The following RSF1 variants were observed in gnomAD, a reference collection of about 807,000 sequenced individuals.
The protein encoded by RSF1 is HBV pX-associated protein 8.
A neutral mutation model predicts 145.2 loss-of-function variants in RSF1; 13 were observed. The ratio of observed to expected loss-of-function variants is 0.09; its 90% CI spans 0.06 to 0.14. RSF1 has a LOEUF of 0.14. Among genes scored for constraint, RSF1 ranks in the 10% least tolerant of loss-of-function variants. The pLI is 1.00. For missense variants in RSF1, 1,517 were observed against 1,718.2 expected, an observed-to-expected ratio of 0.88 and a Z score of 2.07; for synonymous variants, 577 against 592.6, an observed-to-expected ratio of 0.97 and a Z score of 0.38.
intron 3 of RSF1, among the ~76,000 whole-genome samples, chr11:77,742,282 TTTC>T (rs1182766276): frequency 2.6e-5 from 4 of 152,096 alleles, no homozygotes; most frequent in Admixed American, 6.6e-5. Context: ...AGGGTTCCCT[TTTC>T]TTTTTTCTTT....
intron 4 of RSF1, among the ~76,000 whole-genome samples, chr11:77,729,762 C>T (rs937634886): frequency 2.0e-5 from 3 of 151,682 alleles, no homozygotes; most frequent in Non-Finnish European, 2.9e-5. Context: ...CAAATGGGAC[C>T]AGGTCTTCAC....
At chr11:77,842,345 A>G in the RSF1 span, 1 of 835,676 alleles carries the variant, frequency 1.2e-6, no homozygotes, top group Non-Finnish European at 1.8e-6. Flanking sequence ...AGACCTCTAA[A>G]GAAGAAGTAA....
intron 5 of RSF1, among the ~76,000 whole-genome samples, chr11:77,707,418 G>C (rs1214049579): frequency 6.6e-6 from 1 of 152,130 alleles, no homozygotes; most frequent in Non-Finnish European, 1.5e-5. Flanking sequence ...GCAAGGACAT[G>C]ATACATTTAA....
chr11:77,686,881 A>C (rs1960024586), intron 9 of RSF1, among the ~76,000 whole-genome samples: 1 of 152,138 alleles, frequency 6.6e-6, no homozygotes, highest in South Asian at 2.1e-4. Context: ...CATTGGCATA[A>C]AGTAGGTACC....
At chr11:77,787,112 G>A (rs1401705811) in intron 1 of RSF1, among the ~76,000 whole-genome samples, 1 of 152,186 alleles carries the variant, frequency 6.6e-6, no homozygotes, top group Non-Finnish European at 1.5e-5. Context: ...GCAAAGGACT[G>A]AGCAGGGCAT....
chr11:77,820,620 C>T lies in RSF1; in HGVS notation c.95G>A (p.Arg32His). 1 of 1,567,296 alleles carries T rather than the reference C, an allele frequency of 6.4e-7. No individual in the cohort carries two copies. Among genetic ancestry groups the T allele is most frequent in the Non-Finnish European group, 8.6e-7 (1 of 1,157,744 alleles). Residue 32 changes from arginine to histidine, a missense_variant, in exon 1 of 16, where the codon CGC (arginine) becomes CAC (histidine). By Grantham distance (29) the Arg-to-His change is conservative. Coordinates refer to ENST00000308488, the MANE Select transcript of RSF1 (RefSeq NM_016578.4). ...NFAVVCSFLERYGPLLDLPEL... is the reference protein window; with the variant it reads ...NFAVVCSFLEHYGPLLDLPEL... ...AGGCAGGTCTAGCAGCGGCCCGTAG[C>T]GCTCCAAGAAGGAGCAGACTACGGC... is the stretch of plus-strand genomic sequence containing the variant.
chr11:77,691,263 T>A (rs753493882), intron 8 of RSF1, 25 bp from the exon 9 acceptor site: 8 of 1,604,378 alleles, frequency 5.0e-6, no homozygotes, highest in South Asian at 2.2e-5. Context: ...TAGATAAAAG[T>A]CATTTTAAAC....
At chr11:77,791,478 G>A (rs1948516671) in intron 1 of RSF1, among the ~76,000 whole-genome samples, 1 of 152,154 alleles carries the variant, frequency 6.6e-6, no homozygotes, top group African/African-American at 2.4e-5. Flanking sequence ...AATTTATGCA[G>A]CAGACTTCAA....
chr11:77,786,158 A>G (rs1948454704), intron 1 of RSF1, among the ~76,000 whole-genome samples: 1 of 152,104 alleles, frequency 6.6e-6, no homozygotes, highest in Non-Finnish European at 1.5e-5. Context: ...TGGCAAGGCT[A>G]AGATTTCAAC....
At chr11:77,749,249 C>T (rs867942704) in intron 2 of RSF1, among the ~76,000 whole-genome samples, 1 of 151,956 alleles carries the variant, frequency 6.6e-6, no homozygotes. Flanking sequence ...GTTGTATATT[C>T]CCTGTAAATA....
chr11:77,820,579 C>G lies in RSF1; in HGVS notation c.136G>C (p.Glu46Gln), dbSNP rs1449433401. ...LLDLPELPFP[E>Q]LERVLQAPPP... Reference sequence around the variant, plus strand: ...GGCGCCTGCAGCACCCGCTCCAGCTCAGGGAACGGCAACTCAGGCAGGTCT... The same window carrying G: ...GGCGCCTGCAGCACCCGCTCCAGCTGAGGGAACGGCAACTCAGGCAGGTCT... Residue 46 changes from glutamate to glutamine, a missense_variant, in exon 1 of 16, where the codon GAG becomes CAG. This residue lies in a region of RSF1 where 85 missense variants were observed against 91.8 expected (regional missense o/e 0.93). Transcript: ENST00000308488. 6.4e-7 allele frequency: 1 copy of G among 1,560,776 alleles called. No homozygotes were observed. Among genetic ancestry groups the G allele is most frequent in the Admixed American group, 1.9e-5 (1 of 51,690 alleles).
Position 77,684,975 on chromosome 11 carries a change from G to A in RSF1, c.2955+130C>T, listed in dbSNP as rs1181297990. On this transcript the variant is annotated intron_variant, in intron 10 of 15. Transcript: ENST00000308488. ...GCACTCCAGTCTGGGCAACAAGAAC[G>A]AAACTCCATCTCGAAATAAATAAAT... 6 of 424,572 alleles carry A rather than the reference G, an allele frequency of 1.4e-5. No homozygotes were observed. The South Asian group carries it at 3.2e-4, about 23-fold the overall frequency. 26.3% of individuals were successfully genotyped at this position (424,572 alleles called of 1,614,324 possible).
intron 5 of RSF1, among the ~76,000 whole-genome samples, chr11:77,704,683 T>C (rs1233996905): frequency 6.6e-6 from 1 of 152,136 alleles, no homozygotes; most frequent in Non-Finnish European, 1.5e-5. Context: ...CAACTATTAT[T>C]CTTCGCTGGT....
chr11:77,739,844 A>T (rs1416250457), intron 4 of RSF1, among the ~76,000 whole-genome samples: 6 of 152,210 alleles, frequency 3.9e-5, no homozygotes, highest in Non-Finnish European at 8.8e-5. Flanking sequence ...AGTATTACTC[A>T]TAGGGTTTAG....
At chr11:77,772,578 C>CA (rs1398731152) in intron 1 of RSF1, among the ~76,000 whole-genome samples, 3 of 151,944 alleles carry the variant, frequency 2.0e-5, no homozygotes, top group Non-Finnish European at 2.9e-5. Flanking sequence ...ATGTATATTA[C>CA]AAAAAGCACT....
At chr11:77,697,682 A>G (rs1380549999) in intron 7 of RSF1, among the ~76,000 whole-genome samples, 4 of 150,898 alleles carry the variant, frequency 2.7e-5, no homozygotes. Flanking sequence ...ATTCTCCTAT[A>G]AATTAAAAAA....
Position 77,779,384 on chromosome 11 carries a change from AT to A in RSF1, c.188-14696del, listed in dbSNP as rs535878105. Among the ~76,000 whole-genome samples the A allele has an allele frequency of 3.7e-3, 527 of 142,316 alleles. 3 individuals are homozygous for A. The highest frequency in any genetic ancestry group is 7.9e-3 in the African/African-American group (308 of 38,858). 93.4% of individuals were successfully genotyped at this position (142,316 alleles called of 152,430 possible). Reference sequence around the variant, plus strand: ...CTATGCCTTGCTATTTCTAAAAAAAATTTTTTTTTTTTTTTGAGATGGAGTT... The same window carrying A: ...CTATGCCTTGCTATTTCTAAAAAAAATTTTTTTTTTTTTTGAGATGGAGTT... On this transcript the variant is annotated intron_variant, in intron 1 of 15. Coordinates refer to ENST00000308488, the MANE Select transcript of RSF1 (RefSeq NM_016578.4).
the RSF1 span, among the ~76,000 whole-genome samples, chr11:77,832,419 C>T: frequency 9.9e-5 from 15 of 150,884 alleles, no homozygotes; most frequent in South Asian, 2.1e-4. Flanking sequence ...CTCCGCCTCC[C>T]GGGTTCAAGC....
rs773104484 is a variant in RSF1, at chr11:77,701,027, T to C, written c.2202A>G (p.Lys734=). ...ITSERQKEGI[K]LTIRISSRKK... ...TCCGACTTGATATCCTGATTGTTAA[T>C]TTGATGCCCTCTTTCTGCCTTTCAG... The change falls in exon 6 of 16, where the codon AAA becomes AAG. Residue 734 remains lysine, a synonymous_variant. Coordinates refer to ENST00000308488, the MANE Select transcript of RSF1 (RefSeq NM_016578.4). The C allele has an allele frequency of 1.9e-6, 3 of 1,613,824 alleles. No individual in the cohort carries two copies. The highest frequency in any genetic ancestry group is 2.5e-6 in the Non-Finnish European group (3 of 1,180,030).
Sources: gnomAD v4.1 joint callset for allele counts (sites outside exome capture counted in the v4.1 genomes callset) on GRCh38, gnomAD v4.1.1 for gene constraint, gnomAD v4.1.1 regional missense constraint, MANE v1.5 for transcripts, NCBI Gene and HGNC (gene_info 2026-07-23, HGNC 2026-07-21) for gene names.